The following CSMD1 variants were observed in gnomAD, a reference collection of about 807,000 sequenced individuals.
CSMD1 encodes CUB and sushi domain-containing protein 1.
In CSMD1, 213 loss-of-function variants were observed where a neutral mutation model predicts 417.5. That is an observed-to-expected ratio of 0.51 (90% CI 0.46 to 0.57). CSMD1 has a LOEUF of 0.57. Among genes scored for constraint, CSMD1 ranks in the 20% least tolerant of loss-of-function variants. The pLI is 0.00. For missense variants in CSMD1, 6,923 were observed against 4,529.7 expected (o/e 1.53, Z -15.17); for synonymous variants, 2,862 against 1,736.8 (o/e 1.65, Z -16.11).
intron 21 of CSMD1, among the ~76,000 whole-genome samples, chr8:3,349,986 C>T (rs921671437): frequency 2.1e-5 from 3 of 141,798 alleles, no homozygotes; most frequent in Admixed American, 7.2e-5. Flanking sequence ...CCTATAATTA[C>T]TTGTGTATGT....
intron 8 of CSMD1, among the ~76,000 whole-genome samples, chr8:3,597,097 C>G (rs1462966825): frequency 6.6e-6 from 1 of 152,208 alleles, no homozygotes; most frequent in Non-Finnish European, 1.5e-5. Context: ...GCTGGCTGCA[C>G]TGAGCCTGCT....
intron 12 of CSMD1, among the ~76,000 whole-genome samples, chr8:3,435,380 C>T (rs149071486): frequency 0.01 from 1,541 of 152,232 alleles, 25 homozygotes; most frequent in African/African-American, 0.035. Context: ...CACCCAGTCC[C>T]GCCACCTCTC....
Position 3,384,720 on chromosome 8 carries a change from AATATTT to A in CSMD1, c.2782+2768_2782+2773del, listed in dbSNP as rs1429999701. Among the ~76,000 whole-genome samples, 100 of 118,292 alleles carry A rather than the reference AATATTT, an allele frequency of 8.5e-4. No individual in the cohort carries two copies. In the South Asian group the frequency reaches 0.013, roughly 15 times the overall value. 77.6% of individuals were successfully genotyped at this position (118,292 alleles called of 152,430 possible). On this transcript the variant is annotated intron_variant, in intron 18 of 69. Transcript: ENST00000635120. ...ATAAATTATATATAAATATATTTATAATATTTATATATATTATATAAATATATATTT... is the reference window on the plus strand; with the variant it reads ...ATAAATTATATATAAATATATTTATAATATATATTATATAAATATATATTT...
chr8:4,373,115 C>G (rs1452384797), intron 3 of CSMD1, among the ~76,000 whole-genome samples: 1 of 152,176 alleles, frequency 6.6e-6, no homozygotes, highest in African/African-American at 2.4e-5. Flanking sequence ...ACTCCAGTCT[C>G]ATCATGAGAA....
intron 12 of CSMD1, among the ~76,000 whole-genome samples, chr8:3,451,257 C>G (rs1242754779): frequency 6.6e-6 from 1 of 152,180 alleles, no homozygotes; most frequent in African/African-American, 2.4e-5. Flanking sequence ...TTCTGCCACT[C>G]TGTAGGATGC....
chr8:4,035,875 C>T (rs1797589468), intron 3 of CSMD1, among the ~76,000 whole-genome samples: 1 of 152,114 alleles, frequency 6.6e-6, no homozygotes, highest in Non-Finnish European at 1.5e-5. Flanking sequence ...TAGTCCCGTC[C>T]GAAGCCTTCA....
chr8:3,695,583 G>A (rs980842692), intron 7 of CSMD1, among the ~76,000 whole-genome samples: 1 of 152,060 alleles, frequency 6.6e-6, no homozygotes, highest in Non-Finnish European at 1.5e-5. Context: ...TTATTTTGAA[G>A]GATGATAGTA....
intron 26 of CSMD1, among the ~76,000 whole-genome samples, chr8:3,264,550 G>C (rs1311679004): frequency 6.6e-6 from 1 of 152,164 alleles, no homozygotes; most frequent in Admixed American, 6.5e-5. Flanking sequence ...TGCTTCCCTG[G>C]AGTGGATATG....
intron 3 of CSMD1, among the ~76,000 whole-genome samples, chr8:4,044,595 G>A (rs900477064): frequency 1.3e-5 from 2 of 152,198 alleles, no homozygotes; most frequent in South Asian, 2.1e-4. Flanking sequence ...AATTAAATCC[G>A]GGTCTCATTT....
chr8:4,533,316 G>A (rs564371699), intron 2 of CSMD1, among the ~76,000 whole-genome samples: 4 of 152,320 alleles, frequency 2.6e-5, no homozygotes, highest in African/African-American at 9.6e-5. Flanking sequence ...ATGACACAAA[G>A]CCAAGGATTA....
chr8:4,314,489 T>C (rs1798809944), intron 3 of CSMD1, among the ~76,000 whole-genome samples: 1 of 152,186 alleles, frequency 6.6e-6, no homozygotes, highest in Non-Finnish European at 1.5e-5. Flanking sequence ...TTGAATACCT[T>C]TCTAAGCAGT....
intron 35 of CSMD1, 118 bp from the exon 36 acceptor site, chr8:3,188,083 T>C (rs576202741): frequency 4.6e-4 from 143 of 309,096 alleles, no homozygotes; most frequent in Admixed American, 1.7e-3. Flanking sequence ...TATACATATG[T>C]ATATGTATAT....
chr8:3,315,450 G>GTGTGTA (rs1554512198), intron 23 of CSMD1, among the ~76,000 whole-genome samples: 1 of 127,794 alleles, frequency 7.8e-6, no homozygotes, highest in Non-Finnish European at 1.9e-5. Context: ...GTGTGTGTGT[G>GTGTGTA]TGTGTGTGTG....
chr8:3,354,803 CT>C (rs1808633874), intron 21 of CSMD1, among the ~76,000 whole-genome samples: 1 of 85,430 alleles, frequency 1.2e-5, no homozygotes, highest in East Asian at 3.5e-4. Flanking sequence ...ACTAAACTCT[CT>C]CTCTCTCTAT....
chr8:4,563,077 A>C (rs950782609), intron 2 of CSMD1, among the ~76,000 whole-genome samples: 1 of 152,110 alleles, frequency 6.6e-6, no homozygotes, highest in African/African-American at 2.4e-5. Context: ...GATTTCTCAT[A>C]TGAATCTGGG....
chr8:3,780,847 C>A (rs966009576), intron 5 of CSMD1, among the ~76,000 whole-genome samples: 1 of 152,142 alleles, frequency 6.6e-6, no homozygotes, highest in African/African-American at 2.4e-5. Flanking sequence ...CAATAATTTT[C>A]TCTGCTTATT....
chr8:4,714,502 A>C (rs937509000), intron 1 of CSMD1, among the ~76,000 whole-genome samples: 1 of 152,176 alleles, frequency 6.6e-6, no homozygotes, highest in Non-Finnish European at 1.5e-5. Flanking sequence ...TTTCAGAAAT[A>C]CTTTAATAAT....
intron 30 of CSMD1, among the ~76,000 whole-genome samples, chr8:3,211,968 G>A (rs1197851491): frequency 6.6e-6 from 1 of 152,166 alleles, no homozygotes; most frequent in East Asian, 1.9e-4. Flanking sequence ...AAGGGTGGGT[G>A]CTGGGCAGAG....
chr8:3,187,070 A>G (rs1585594879), intron 36 of CSMD1, among the ~76,000 whole-genome samples: 2 of 152,356 alleles, frequency 1.3e-5, no homozygotes, highest in East Asian at 3.9e-4. Context: ...TTAAGCATTC[A>G]TGTTAACAGA....
Sources: allele counts gnomAD v4.1 joint callset (sites outside exome capture counted in the v4.1 genomes callset), GRCh38; gene constraint gnomAD v4.1.1; transcripts MANE v1.5; gene names NCBI Gene and HGNC (gene_info 2026-07-23, HGNC 2026-07-21).